The following LANCL1 variants were observed in gnomAD, a reference collection of about 807,000 sequenced individuals.
The protein encoded by LANCL1 is glutathione S-transferase LANCL1.
Under a neutral mutation model 50.6 loss-of-function variants are expected in LANCL1, and 50 were observed. That is an observed-to-expected ratio of 0.99 (90% CI 0.79 to 1.25). The LOEUF (loss-of-function observed/expected upper bound fraction) is 1.25, where lower values mean the gene tolerates loss of function less well. Among genes scored for constraint, LANCL1 ranks in the 50% most tolerant of loss-of-function variants. LANCL1 has a pLI of 0.00. For synonymous variants in LANCL1, 188 were observed against 178.6 expected, an observed-to-expected ratio of 1.05 and a Z score of -0.42; for missense variants, 532 against 480.7, an observed-to-expected ratio of 1.11 and a Z score of -1.00.
chr2:210,447,262 A>T (rs1693371356), intron 4 of LANCL1, among the ~76,000 whole-genome samples: 3 of 152,332 alleles, frequency 2.0e-5, no homozygotes, highest in African/African-American at 7.2e-5. Context: ...TCATAAGCAA[A>T]GGAGAAATGG....
chr2:210,471,627 C>CTCTTCCCAAT (rs1559723289), intron 3 of LANCL1: 1 of 490,448 alleles, frequency 2.0e-6, no homozygotes, highest in African/African-American at 1.9e-5. Context: ...TATTTTGGAA[C>CTCTTCCCAAT]TCTTCCCAAT....
chr2:210,454,494 G>A (rs1235858326), intron 4 of LANCL1, among the ~76,000 whole-genome samples: 1 of 152,160 alleles, frequency 6.6e-6, no homozygotes, highest in Non-Finnish European at 1.5e-5. Context: ...TGGTTAAAAC[G>A]TTGCTGGAGT....
At chr2:210,476,003 C>G (rs779219872) in intron 2 of LANCL1, among the ~76,000 whole-genome samples, 2 of 152,086 alleles carry the variant, frequency 1.3e-5, no homozygotes, top group Non-Finnish European at 2.9e-5. Flanking sequence ...TTCTTCACCT[C>G]TTTTTAAGAA....
intron 3 of LANCL1, among the ~76,000 whole-genome samples, chr2:210,465,167 T>A (rs184434262): frequency 6.6e-5 from 10 of 152,362 alleles, no homozygotes; most frequent in Non-Finnish European, 4.4e-5. Flanking sequence ...TAAAATAACA[T>A]GTGATGTGAA....
chr2:210,459,427 A>G (rs1574433279), intron 3 of LANCL1, among the ~76,000 whole-genome samples: 1 of 152,276 alleles, frequency 6.6e-6, no homozygotes, highest in African/African-American at 2.4e-5. Context: ...GTTCATCTAG[A>G]AGTGCAGTGT....
rs371985166 is a variant in LANCL1, at chr2:210,457,303, GTA to G, written c.200-1991_200-1990del. Among the ~76,000 whole-genome samples the G allele has an allele frequency of 1.3e-3, 194 of 152,276 alleles. 2 individuals carry two copies. The East Asian group carries it at 0.013, about 10-fold the overall frequency. ...GTCACAGACATTTAATACCTCATCAGTATTTTATATAATAGAAAATAATAGAA... is the reference window on the plus strand; with the variant it reads ...GTCACAGACATTTAATACCTCATCAGTTTTATATAATAGAAAATAATAGAA... On this transcript the variant is annotated intron_variant, in intron 3 of 9. Transcript: ENST00000450366.
chr2:210,476,229 A>G, intron 2 of LANCL1, 87 bp downstream of exon 2: 2 of 793,964 alleles, frequency 2.5e-6, no homozygotes, highest in Non-Finnish European at 4.3e-6. Flanking sequence ...TTAAAGGGGG[A>G]TGCTCAACTC....
chr2:210,450,290 T>C (rs1693473769), intron 4 of LANCL1, among the ~76,000 whole-genome samples: 3 of 152,174 alleles, frequency 2.0e-5, no homozygotes, highest in Admixed American at 1.3e-4. Context: ...TGGCCAGCCA[T>C]ATACAGAAAA....
chr2:210,435,264 G>A, intron 9 of LANCL1, 123 bp downstream of exon 9: 2 of 693,452 alleles, frequency 2.9e-6, no homozygotes, highest in Non-Finnish European at 2.5e-6. Context: ...TAGCATATTA[G>A]GAAATAAAAA....
Position 210,432,250 on chromosome 2 carries a change from T to C in LANCL1, c.*2237A>G, listed in dbSNP as rs973862656. ...TGCTCTTAAGCATAAATACAACAAA[T>C]AGCATACATATAAAATTGTGCCAGT... is the stretch of plus-strand genomic sequence containing the variant. On this transcript the variant is annotated 3_prime_UTR_variant, in exon 10 of 10. Coordinates refer to ENST00000450366, the MANE Select transcript of LANCL1 (RefSeq NM_006055.3). 3.3e-5 allele frequency: 5 copies of C among 152,064 alleles called. No individual in the cohort carries two copies. Among genetic ancestry groups the C allele is most frequent in the Non-Finnish European group, 5.9e-5 (4 of 68,020 alleles). 9.4% of individuals were successfully genotyped at this position (152,064 alleles called of 1,614,324 possible).
chr2:210,473,816 A>G (rs372220693), intron 2 of LANCL1, among the ~76,000 whole-genome samples: 1 of 152,358 alleles, frequency 6.6e-6, no homozygotes, highest in East Asian at 1.9e-4. Flanking sequence ...ACACACTCCC[A>G]TTATTTAACA....
chr2:210,441,716 GCCC>G (rs1693143296), intron 4 of LANCL1, among the ~76,000 whole-genome samples: 1 of 152,090 alleles, frequency 6.6e-6, no homozygotes, highest in South Asian at 2.1e-4. Flanking sequence ...ATGGAGGCAG[GCCC>G]TAAGGTGAGT....
chr2:210,444,277 A>T (rs1487403898), intron 4 of LANCL1, among the ~76,000 whole-genome samples: 1 of 152,242 alleles, frequency 6.6e-6, no homozygotes, highest in Non-Finnish European at 1.5e-5. Context: ...ACAGTGAGTG[A>T]AAACATCCTA....
chr2:210,451,644 G>A (rs1410483606), intron 4 of LANCL1, among the ~76,000 whole-genome samples: 1 of 152,124 alleles, frequency 6.6e-6, no homozygotes, highest in African/African-American at 2.4e-5. Flanking sequence ...ACAAATGAGA[G>A]ACTAAGGTTT....
At chr2:210,446,257 A>T (rs1449893255) in intron 4 of LANCL1, among the ~76,000 whole-genome samples, 1 of 152,194 alleles carries the variant, frequency 6.6e-6, no homozygotes, top group Non-Finnish European at 1.5e-5. Context: ...AAGCTTCCAA[A>T]GGAAGAAACA....
intron 6 of LANCL1, among the ~76,000 whole-genome samples, chr2:210,438,975 CGT>C (rs1693034994): frequency 6.6e-6 from 1 of 151,982 alleles, no homozygotes; most frequent in Non-Finnish European, 1.5e-5. Context: ...AGGAGGCGGT[CGT>C]GGTGGGGTCA....
chr2:210,467,644 T>C (rs1694106135), intron 3 of LANCL1, among the ~76,000 whole-genome samples: 1 of 152,224 alleles, frequency 6.6e-6, no homozygotes, highest in South Asian at 2.1e-4. Flanking sequence ...CTATTAGTAG[T>C]TAAGTTTTGG....
Position 210,450,953 on chromosome 2 carries a change from C to A in LANCL1, c.407+4154G>T, listed in dbSNP as rs575648226. 4.6e-5 allele frequency among the ~76,000 whole-genome samples: 7 copies of A among 152,206 alleles called. No individual in the cohort carries two copies. In the South Asian group the frequency reaches 1.5e-3, roughly 32 times the overall value. ...CTCAAGGATCTAGAGCCAGAAATAC[C>A]ATTTGACCAGCAATTCCATTACTGG... On this transcript the variant is annotated intron_variant, in intron 4 of 9. Coordinates refer to ENST00000450366, the MANE Select transcript of LANCL1 (RefSeq NM_006055.3).
chr2:210,435,893 C>CTTTTTTTT (rs71043994), intron 8 of LANCL1, among the ~76,000 whole-genome samples: 29 of 64,260 alleles, frequency 4.5e-4, no homozygotes, highest in East Asian at 6.0e-4. Flanking sequence ...GGGAGACCTG[C>CTTTTTTTT]TTTTTTTTTT....
Sources: gnomAD v4.1 joint callset for allele counts (sites outside exome capture counted in the v4.1 genomes callset) on GRCh38, gnomAD v4.1.1 for gene constraint, MANE v1.5 for transcripts, NCBI Gene and HGNC (gene_info 2026-07-23, HGNC 2026-07-21) for gene names.